The following HIF3A variants were observed in gnomAD, a reference collection of about 807,000 sequenced individuals.
HIF3A encodes the protein hypoxia-inducible factor 3-alpha.
HIF3A carries 41 observed loss-of-function variants against 67.2 expected under a neutral mutation model. The ratio of observed to expected loss-of-function variants is 0.61; its 90% CI spans 0.48 to 0.79. The LOEUF is 0.79. HIF3A is among the 30% of genes least tolerant of loss of function. HIF3A has a pLI of 0.00. For missense variants in HIF3A, 855 were observed against 898.0 expected (o/e 0.95, Z 0.61); for synonymous variants, 356 against 374.8 (o/e 0.95, Z 0.58).
At chr19:46,309,004 TG>T in intron 5 of HIF3A, 146 bp from the exon 6 acceptor site, 1 of 733,752 alleles carries the variant, frequency 1.4e-6, no homozygotes, top group Non-Finnish European at 2.2e-6. Context: ...GGCCTGGGGC[TG>T]GGGATCCTCA....
intron 6 of HIF3A, chr19:46,310,627 A>G (rs1371473516): frequency 4.4e-6 from 2 of 456,136 alleles, no homozygotes; most frequent in East Asian, 6.9e-5. Context: ...CTGTGCCACA[A>G]TTTCCTCACC....
At position 46,297,081 on chromosome 19, in the gene HIF3A, C is replaced by T; in HGVS notation, c.5C>T (p.Ala2Val). The T allele has an allele frequency of 5.4e-6, 7 of 1,306,158 alleles. No individual in the cohort carries two copies. The highest frequency in any genetic ancestry group is 6.9e-6 in the Non-Finnish European group (7 of 1,018,328). The allele number at this position is 1,306,158 out of a possible 1,614,324, so 80.9% of individuals were successfully genotyped here. M[A>V]LGLQRARSTT... The stretch of plus-strand genomic sequence containing the variant: ...CGGAGCGGCGACTGGCGAGCCATGG[C>T]GCTGGGGCTGCAGCGCGCAAGGTAC... Residue 2 changes from alanine to valine, a missense_variant, in exon 1 of 15, where the codon GCG becomes GTG. Transcript: ENST00000377670. The surrounding 1 kb of genome is among the most constrained non-coding windows in gnomAD (Gnocchi z 4.5).
rs150977697 is a variant in HIF3A at position 46,317,162 on chromosome 19, C to A, written c.1026-3281C>A. The stretch of plus-strand genomic sequence containing the variant: ...TCTTAAACTCCTGAGTTCAAGCGAC[C>A]CACCCGCCTCGGCTTCCCAAAATGC... On this transcript the variant is annotated intron_variant, in intron 8 of 14. Transcript: ENST00000377670. Among the ~76,000 whole-genome samples the A allele has an allele frequency of 9.8e-3, 1,489 of 152,090 alleles. 20 individuals carry two copies. Among genetic ancestry groups the A allele is most frequent in the African/African-American group, 0.029 (1,193 of 41,464 alleles).
rs1398634456 is a variant in HIF3A, at chr19:46,324,955, T to C, written c.1336-580T>C. The stretch of plus-strand genomic sequence containing the variant: ...ACATATATATATACATATATATATA[T>C]ATACACATACACACACACACACACA... On this transcript the variant is annotated intron_variant, in intron 10 of 14. Coordinates refer to ENST00000377670, the MANE Select transcript of HIF3A (RefSeq NM_152795.4). Among the ~76,000 whole-genome samples, 7 of 140,894 alleles carry C rather than the reference T, an allele frequency of 5.0e-5. No homozygotes were observed. The East Asian group carries it at 6.3e-4, about 13-fold the overall frequency. 92.4% of individuals were successfully genotyped at this position (140,894 alleles called of 152,430 possible).
rs1311141590 is a variant in HIF3A at position 46,309,437 on chromosome 19, C to G, written c.770+78C>G. 4 of 786,550 alleles carry G rather than the reference C, an allele frequency of 5.1e-6. No homozygotes were observed. In the African/African-American group the frequency reaches 6.9e-5, roughly 14 times the overall value. The allele number at this position is 786,550 out of a possible 1,614,324, so 48.7% of individuals were successfully genotyped here. A position where few individuals can be genotyped will look rare whatever the true frequency, so the allele number is the denominator to read the frequency against. On this transcript the variant is annotated intron_variant, in intron 6 of 14. Coordinates refer to ENST00000377670, the MANE Select transcript of HIF3A (RefSeq NM_152795.4). Reference sequence around the variant, plus strand: ...CCCACCTCCACACTCCCGCATTTCTCTCTCTCCTTCTCTCTCTCTCTCTCA... The same window carrying G: ...CCCACCTCCACACTCCCGCATTTCTGTCTCTCCTTCTCTCTCTCTCTCTCA...
In HIF3A at chr19:46,320,468, C is replaced by G; in HGVS notation, c.1051C>G (p.Leu351Val). ...CCAGGTGGAAGAGACCGGAGTGGTG[C>G]TGTCCCTGGAGCAAACGGAGCAACA... ...ISQVEETGVVLSLEQTEQHSR... is the reference protein window; with the variant it reads ...ISQVEETGVVVSLEQTEQHSR... The change falls in exon 9 of 15, where the codon CTG (leucine) becomes GTG (valine). Residue 351 changes from leucine (L) to valine (V), a missense_variant. Leu to Val is a conservative substitution (Grantham distance 32). Coordinates refer to ENST00000377670, the MANE Select transcript of HIF3A (RefSeq NM_152795.4). 1 of 1,614,136 alleles carries G rather than the reference C, an allele frequency of 6.2e-7. No individual in the cohort carries two copies. The highest frequency in any genetic ancestry group is 8.5e-7 in the Non-Finnish European group (1 of 1,179,996).
At chr19:46,329,096 C>A in intron 11 of HIF3A, 111 bp from the exon 12 acceptor site, 2 of 1,035,164 alleles carry the variant, frequency 1.9e-6, no homozygotes, top group Non-Finnish European at 2.8e-6. Flanking sequence ...GAAACTGAAG[C>A]TCAGACTGTT....
intron 13 of HIF3A, 52 bp from the exon 14 acceptor site, chr19:46,334,853 C>T (rs1971490777): frequency 6.7e-7 from 1 of 1,485,242 alleles, no homozygotes; most frequent in South Asian, 1.2e-5. Flanking sequence ...CCGGCTGTTC[C>T]TTGGATACTA....
Position 46,342,814 on chromosome 19 carries a change from C to T in HIF3A, c.*3192C>T, listed in dbSNP as rs1379428870. 2 of 152,204 alleles carry T rather than the reference C, an allele frequency of 1.3e-5. No individual in the cohort carries two copies. The highest frequency in any genetic ancestry group is 4.8e-5 in the African/African-American group (2 of 41,408). The allele number at this position is 152,204 out of a possible 1,614,324, so 9.4% of individuals were successfully genotyped here. A position where few individuals can be genotyped will look rare whatever the true frequency, so the allele number is the denominator to read the frequency against. The stretch of plus-strand genomic sequence containing the variant: ...TCCTTCTTTCAGTCTTAAGTTTTCC[C>T]ATTCTAAACCCCTACCCTCTAGGCT... On this transcript the variant is annotated 3_prime_UTR_variant, in exon 15 of 15. Transcript: ENST00000377670.
intron 7 of HIF3A, 112 bp downstream of exon 7, chr19:46,312,379 C>T (rs757392590): frequency 6.2e-7 from 1 of 1,608,874 alleles, no homozygotes; most frequent in Non-Finnish European, 8.5e-7. Context: ...CACCTCAACA[C>T]CAGCTCCCTG....
chr19:46,303,945 G>A lies in HIF3A; in HGVS notation c.74G>A (p.Ser25Asn). The A allele has an allele frequency of 6.2e-7, 1 of 1,607,412 alleles. No individual in the cohort carries two copies. The highest frequency in any genetic ancestry group is 8.5e-7 in the Non-Finnish European group (1 of 1,177,512). ...RKEKSRDAAR[S>N]RRSQETEVLY... is the part of the protein sequence containing the mutation. Reference sequence around the variant, plus strand: ...GAAAAGTCCCGGGATGCGGCCCGCAGCCGGCGCAGCCAGGAGACCGAGGTG... The same window carrying A: ...GAAAAGTCCCGGGATGCGGCCCGCAACCGGCGCAGCCAGGAGACCGAGGTG... The change falls in exon 2 of 15, where the codon AGC (serine) becomes AAC (asparagine). Residue 25 changes from serine (S) to asparagine (N), a missense_variant. This residue lies in a region of HIF3A where 638 missense variants were observed against 660.5 expected (regional missense o/e 0.97). Transcript: ENST00000377670.
In HIF3A at chr19:46,329,325, C is replaced by A; in HGVS notation, c.1559C>A (p.Pro520His). The change falls in exon 12 of 15, where the codon CCC (proline) becomes CAC (histidine). Residue 520 changes from proline (P) to histidine (H), a missense_variant. Pro to His is a moderately conservative substitution (Grantham distance 77, BLOSUM62 -2). This residue lies in a region of HIF3A where 199 missense variants were observed against 193.8 expected (regional missense o/e 1.03). Coordinates refer to ENST00000377670, the MANE Select transcript of HIF3A (RefSeq NM_152795.4). ...TACCACAGACCTCTGGGGGCTGTCC[C>A]CCGGCCCCGTGCTCGGAGCTTCCAT... ...RAYHRPLGAVPRPRARSFHGL... is the reference protein window; with the variant it reads ...RAYHRPLGAVHRPRARSFHGL... 2 of 1,613,342 alleles carry A rather than the reference C, an allele frequency of 1.2e-6. No homozygotes were observed. The highest frequency in any genetic ancestry group is 1.7e-6 in the Non-Finnish European group (2 of 1,179,958).
chr19:46,325,784 G>A, intron 11 of HIF3A, 145 bp downstream of exon 11: 1 of 597,664 alleles, frequency 1.7e-6, no homozygotes. Context: ...GATGATGGTG[G>A]ATGAATGGAT....
chr19:46,321,690 T>G (rs1002391789), intron 9 of HIF3A, 86 bp from the exon 10 acceptor site: 8 of 1,201,702 alleles, frequency 6.7e-6, no homozygotes, highest in Admixed American at 3.9e-5. Context: ...AGATGTCAAC[T>G]GTGTTCCTGG....
chr19:46,303,453 G>A, intron 1 of HIF3A: 1 of 597,144 alleles, frequency 1.7e-6, no homozygotes. Context: ...GTGATTCTGG[G>A]AAACTGCAGG....
At chr19:46,318,498 G>A (rs1220938215) in intron 8 of HIF3A, among the ~76,000 whole-genome samples, 3 of 131,180 alleles carry the variant, frequency 2.3e-5, no homozygotes, top group African/African-American at 5.8e-5. Context: ...GCAGTGAGCC[G>A]AGATCGCACC....
rs182389476 is a variant in HIF3A at position 46,322,760 on chromosome 19, G to A, written c.1335+794G>A. Reference sequence around the variant, plus strand: ...CTGGCTCTTTGGGTTTGATTAATTTGCTGGAGCGGCTCACAGTAATCAGGA... The same window carrying A: ...CTGGCTCTTTGGGTTTGATTAATTTACTGGAGCGGCTCACAGTAATCAGGA... On this transcript the variant is annotated intron_variant, in intron 10 of 14. Coordinates refer to ENST00000377670, the MANE Select transcript of HIF3A (RefSeq NM_152795.4). 1.8e-3 allele frequency among the ~76,000 whole-genome samples: 270 copies of A among 152,120 alleles called. 1 individual carries two copies. Among genetic ancestry groups the A allele is most frequent in the African/African-American group, 5.8e-3 (240 of 41,526 alleles).
chr19:46,317,037 G>A (rs767146421), intron 8 of HIF3A, among the ~76,000 whole-genome samples: 3 of 152,074 alleles, frequency 2.0e-5, no homozygotes, highest in Non-Finnish European at 4.4e-5. Context: ...TGACCCACCT[G>A]AGCCTCCCAA....
chr19:46,332,121 G>A (rs1261106825), intron 13 of HIF3A, among the ~76,000 whole-genome samples: 1 of 152,166 alleles, frequency 6.6e-6, no homozygotes, highest in African/African-American at 2.4e-5. Context: ...ACCACGTGGA[G>A]CCTCAGTTGC....
Sources: allele counts gnomAD v4.1 joint callset (sites outside exome capture counted in the v4.1 genomes callset), GRCh38; gene constraint gnomAD v4.1.1; regional missense constraint gnomAD v4.1.1; non-coding constraint Gnocchi (gnomAD v3.1); transcripts MANE v1.5; gene names NCBI Gene and HGNC (gene_info 2026-07-23, HGNC 2026-07-21).